Variants in P3H2 observed in about 807,000 individuals in gnomAD.
P3H2 encodes prolyl 3-hydroxylase 2, also known as leprecan-like 1.
Under a neutral mutation model 87.0 loss-of-function variants are expected in P3H2, and 80 were observed. The ratio of observed to expected loss-of-function variants is 0.92; its 90% confidence interval spans 0.77 to 1.11. P3H2 has a LOEUF of 1.11. Ranked by LOEUF, P3H2 falls within the 50% of genes least tolerant of loss-of-function variation. The probability of loss-of-function intolerance (pLI) is 0.00; values close to 1 mark genes in which losing one functional copy is unlikely to be tolerated. For missense variants in P3H2, 1,001 were observed against 923.9 expected (o/e 1.08, Z -1.08); for synonymous variants, 367 against 359.3 (o/e 1.02, Z -0.24).
At chr3:190,041,277 A>T (rs542108547) in intron 1 of P3H2, among the ~76,000 whole-genome samples, 65,357 of 97,656 alleles carry the variant, frequency 0.67, 19,885 homozygotes, top group Admixed American at 0.73. Flanking sequence ...CCTGTCTTAA[A>T]AAAAAAAAAA....
rs536446549 is a variant in P3H2 at position 189,969,423 on chromosome 3, C to T, written c.1893+1393G>A. On this transcript the variant is annotated intron_variant, in intron 13 of 14. Transcript: ENST00000319332. ...TAGCAGTCTCTATAAGAACGTCTCT[C>T]GTTTGGGGGCTTGGCCCCCATTGGA... The T allele has an allele frequency of 1.4e-3, 1,178 of 814,220 alleles. 2 individuals carry two copies. The highest frequency in any genetic ancestry group is 2.2e-3 in the Non-Finnish European group (1,022 of 467,988). 50.4% of individuals were successfully genotyped at this position (814,220 alleles called of 1,614,324 possible).
chr3:190,092,813 T>TATTCTACA (rs1331885821), intron 1 of P3H2, among the ~76,000 whole-genome samples: 2 of 152,230 alleles, frequency 1.3e-5, no homozygotes, highest in African/African-American at 2.4e-5. Context: ...ATATCCTTCC[T>TATTCTACA]TCCTATTCTA....
chr3:190,018,229 C>G (rs1724830476), intron 1 of P3H2, among the ~76,000 whole-genome samples: 1 of 152,208 alleles, frequency 6.6e-6, no homozygotes, highest in Non-Finnish European at 1.5e-5. Context: ...ACATTTGCCA[C>G]TAATTCAATC....
chr3:190,037,151 A>C (rs1327206627), intron 1 of P3H2, among the ~76,000 whole-genome samples: 1 of 152,118 alleles, frequency 6.6e-6, no homozygotes, highest in Non-Finnish European at 1.5e-5. Flanking sequence ...CATTTCATAT[A>C]TTAAAAAAAC....
At chr3:190,031,091 AAGAC>A (rs1399508238) in intron 1 of P3H2, among the ~76,000 whole-genome samples, 1 of 152,182 alleles carries the variant, frequency 6.6e-6, no homozygotes, top group Non-Finnish European at 1.5e-5. Context: ...GAAGTGATGA[AAGAC>A]AGCACAATAA....
intron 3 of P3H2, among the ~76,000 whole-genome samples, chr3:189,992,529 T>C (rs570860917): frequency 6.6e-6 from 1 of 152,352 alleles, no homozygotes; most frequent in South Asian, 2.1e-4. Context: ...AAAAAATGTG[T>C]GCTCAAAATA....
At chr3:190,087,483 G>T (rs1052286240) in intron 1 of P3H2, among the ~76,000 whole-genome samples, 1 of 145,900 alleles carries the variant, frequency 6.9e-6, no homozygotes. Flanking sequence ...GGCGGAGCTT[G>T]CAGTGAGCCG....
At chr3:190,017,105 C>T (rs949627293) in intron 1 of P3H2, among the ~76,000 whole-genome samples, 3 of 152,174 alleles carry the variant, frequency 2.0e-5, no homozygotes, top group African/African-American at 7.2e-5. Flanking sequence ...ATGGGAGCTG[C>T]TGCATCTTCT....
At chr3:189,981,477 C>T (rs111631641) in intron 8 of P3H2, among the ~76,000 whole-genome samples, 1,951 of 152,114 alleles carry the variant, frequency 0.013, 37 homozygotes, top group African/African-American at 0.045. Flanking sequence ...TATGAGAGTA[C>T]GGTAGGTAAA....
chr3:190,107,882 T>A (rs2108520425), intron 1 of P3H2, among the ~76,000 whole-genome samples: 1 of 150,518 alleles, frequency 6.6e-6, no homozygotes, highest in Non-Finnish European at 1.5e-5. Flanking sequence ...AAATTAATTC[T>A]CCAAATTTTT....
intron 1 of P3H2, among the ~76,000 whole-genome samples, chr3:190,086,574 T>C (rs1385134660): frequency 6.6e-6 from 1 of 152,176 alleles, no homozygotes; most frequent in African/African-American, 2.4e-5. Context: ...AGGTTCTGTG[T>C]TAGAGTTTCA....
intron 8 of P3H2, among the ~76,000 whole-genome samples, chr3:189,975,187 A>C (rs903012094): frequency 6.6e-6 from 1 of 151,398 alleles, no homozygotes; most frequent in Admixed American, 6.6e-5. Context: ...TCTTCTTCCT[A>C]CCACACAACT....
chr3:189,991,592 T>G (rs1401403956), intron 3 of P3H2, among the ~76,000 whole-genome samples: 3 of 152,212 alleles, frequency 2.0e-5, no homozygotes, highest in African/African-American at 4.8e-5. Context: ...GATTGAGCAC[T>G]AAACAGGACA....
At position 189,999,082 on chromosome 3, in the gene P3H2, C is replaced by T. The variant is rs1724133580; in HGVS notation, c.481-3640G>A. 2.0e-5 allele frequency among the ~76,000 whole-genome samples: 3 copies of T among 152,222 alleles called. No individual in the cohort carries two copies. The South Asian group carries it at 6.2e-4, about 32-fold the overall frequency. On this transcript the variant is annotated intron_variant, in intron 1 of 14. Transcript: ENST00000319332. ...GGTTGGGGACCCCTCCTATAAGGTACTAAAAGTTTGTACATTTAATAAAAA... is the reference window on the plus strand; with the variant it reads ...GGTTGGGGACCCCTCCTATAAGGTATTAAAAGTTTGTACATTTAATAAAAA...
At chr3:189,996,180 T>G (rs1724046754) in intron 1 of P3H2, among the ~76,000 whole-genome samples, 1 of 150,254 alleles carries the variant, frequency 6.7e-6, no homozygotes, top group Admixed American at 6.7e-5. Context: ...GTAGCACTAT[T>G]CACAATAGCC....
In P3H2 at chr3:189,974,567, G is replaced by A. The variant is rs762134170; in HGVS notation, c.1443C>T (p.Ser481=). 8.1e-6 allele frequency: 13 copies of A among 1,613,650 alleles called. No homozygotes were observed. Among genetic ancestry groups the A allele is most frequent in the East Asian group, 4.5e-5 (2 of 44,888 alleles). Residue 481 remains serine (S), a synonymous_variant, in exon 9 of 15, where the codon AGC becomes AGT. Transcript: ENST00000319332. ...LSEEQCRELH[S]VASGIMLVGD... ...TTCTCCGGATCCTCACACTGGCCACGCTGTGGAGCTCCCGGCACTGTTCTT... is the reference window on the plus strand; with the variant it reads ...TTCTCCGGATCCTCACACTGGCCACACTGTGGAGCTCCCGGCACTGTTCTT...
intron 1 of P3H2, among the ~76,000 whole-genome samples, chr3:190,117,979 G>A (rs1424107107): frequency 2.0e-5 from 3 of 152,092 alleles, no homozygotes; most frequent in Non-Finnish European, 4.4e-5. Flanking sequence ...ACGAAGCCAC[G>A]GATCTTTGAA....
At chr3:190,023,027 C>CACT (rs1560366506) in intron 1 of P3H2, among the ~76,000 whole-genome samples, 4 of 149,578 alleles carry the variant, frequency 2.7e-5, no homozygotes, top group African/African-American at 1.0e-4. Flanking sequence ...GGTGTTTCAC[C>CACT]GTGTTAGCCA....
intron 1 of P3H2, among the ~76,000 whole-genome samples, chr3:190,071,416 T>A (rs560754175): frequency 4.3e-4 from 66 of 152,356 alleles, no homozygotes; most frequent in South Asian, 3.9e-3. Flanking sequence ...TCTAGAAACA[T>A]GTAAATCCAA....
Sources: gnomAD v4.1 joint callset for allele counts (sites outside exome capture counted in the v4.1 genomes callset) on GRCh38, gnomAD v4.1.1 for gene constraint, MANE v1.5 for transcripts, NCBI Gene and HGNC (gene_info 2026-07-23, HGNC 2026-07-21) for gene names.